The following SEMA4D variants were observed in gnomAD, a reference collection of about 807,000 sequenced individuals.
The protein encoded by SEMA4D is semaphorin 4D, also known as semaphorin-4D.
In SEMA4D, 22 loss-of-function variants were observed where a neutral mutation model predicts 74.8. The observed-to-expected ratio is 0.29, with a 90% CI of 0.21 to 0.42. The LOEUF (loss-of-function observed/expected upper bound fraction) is 0.42. Among genes scored for constraint, SEMA4D ranks in the 10% least tolerant of loss-of-function variants. The pLI is 1.00. For synonymous variants in SEMA4D, 445 were observed against 463.7 expected, an observed-to-expected ratio of 0.96 and a Z score of 0.52; for missense variants, 937 against 1,118.4, an observed-to-expected ratio of 0.84 and a Z score of 2.31.
intron 16 of SEMA4D, chr9:89,369,069 A>T (rs1238634656): frequency 6.6e-6 from 1 of 152,258 alleles, no homozygotes; most frequent in Non-Finnish European, 1.5e-5. Context: ...GAGCACAGGG[A>T]GTTGATAGCA....
chr9:89,437,457 A>T (rs1850701528), intron 2 of SEMA4D, among the ~76,000 whole-genome samples: 1 of 152,204 alleles, frequency 6.6e-6, no homozygotes, highest in Non-Finnish European at 1.5e-5. Context: ...CTGACACTGC[A>T]GGTGTGGCCT....
At chr9:89,447,205 C>A (rs1280508076) in intron 2 of SEMA4D, among the ~76,000 whole-genome samples, 1 of 152,082 alleles carries the variant, frequency 6.6e-6, no homozygotes, top group Non-Finnish European at 1.5e-5. Context: ...CATGTCTCTA[C>A]CTGACAGCAA....
chr9:89,363,025 C>T (rs1377975041), intron 18 of SEMA4D, among the ~76,000 whole-genome samples: 1 of 152,214 alleles, frequency 6.6e-6, no homozygotes, highest in Non-Finnish European at 1.5e-5. Context: ...ACAGGTGCCT[C>T]AGGTGAGGCA....
exon 19 of SEMA4D, chr9:89,362,334 T>A: frequency 6.2e-7 from 1 of 1,613,530 alleles, no homozygotes. Flanking sequence ...TCTCCGGGGG[T>A]GGCTGTGGTC....
intron 2 of SEMA4D, among the ~76,000 whole-genome samples, chr9:89,447,309 T>C (rs540786999): frequency 4.0e-4 from 60 of 151,898 alleles, no homozygotes; most frequent in Non-Finnish European, 7.2e-4. Context: ...CTCAGATGTT[T>C]CCTCAACTCC....
At chr9:89,383,486 C>T (rs1837671005) in intron 13 of SEMA4D, among the ~76,000 whole-genome samples, 1 of 152,174 alleles carries the variant, frequency 6.6e-6, no homozygotes, top group South Asian at 2.1e-4. Flanking sequence ...GACTACTCCT[C>T]TCCAGGAGTG....
chr9:89,402,247 G>C (rs1842368997), intron 4 of SEMA4D, among the ~76,000 whole-genome samples: 1 of 152,188 alleles, frequency 6.6e-6, no homozygotes, highest in South Asian at 2.1e-4. Flanking sequence ...TGGGACATGG[G>C]ATGGGCTGTG....
At chr9:89,487,655 T>C (rs1183502838) in intron 1 of SEMA4D, among the ~76,000 whole-genome samples, 1 of 152,120 alleles carries the variant, frequency 6.6e-6, no homozygotes, top group Admixed American at 6.5e-5. Flanking sequence ...GCTACTTAAA[T>C]AGCGACTTAG....
At chr9:89,365,934 T>C (rs1564483783) in intron 16 of SEMA4D, among the ~76,000 whole-genome samples, 1 of 152,214 alleles carries the variant, frequency 6.6e-6, no homozygotes, top group Non-Finnish European at 1.5e-5. Context: ...TCCGGTCTCT[T>C]GGTCAACAAT....
chr9:89,400,991 G>C (rs1463217850), intron 4 of SEMA4D, among the ~76,000 whole-genome samples: 5 of 152,230 alleles, frequency 3.3e-5, no homozygotes, highest in African/African-American at 7.2e-5. Context: ...CACGCGAAGA[G>C]TAAGAGCTGA....
rs145947862 is a variant in SEMA4D at position 89,364,372 on chromosome 9, A to G, written c.1883-422T>C. The G allele has an allele frequency of 3.4e-4, 97 of 283,660 alleles. 2 individuals are homozygous for G. In the Admixed American group the frequency reaches 4.1e-3, roughly 12 times the overall value. 17.6% of individuals were successfully genotyped at this position (283,660 alleles called of 1,614,324 possible). ...GCTCTGCCATCACCAGGGCCACAGC[A>G]TGGAGAGGCCCAGAGCTCGGCCAGC... On this transcript the variant is annotated intron_variant, in intron 16 of 18. Coordinates refer to the SEMA4D transcript ENST00000339861.
At chr9:89,449,865 G>C in intron 2 of SEMA4D, 2 of 1,500,916 alleles carry the variant, frequency 1.3e-6, no homozygotes, top group Non-Finnish European at 1.9e-6. Flanking sequence ...TCTCAAGGAA[G>C]GTGACTTGGT....
At chr9:89,369,438 C>T (rs781573433) in intron 16 of SEMA4D, 3 of 152,220 alleles carry the variant, frequency 2.0e-5, no homozygotes, top group African/African-American at 7.2e-5. Flanking sequence ...CGGGTCTAAA[C>T]TTGACATGGA....
In SEMA4D at chr9:89,381,435, A is replaced by G; in HGVS notation, c.1447-89T>C. 7.8e-7 allele frequency: 1 copy of G among 1,285,496 alleles called. No homozygotes were observed. The highest frequency in any genetic ancestry group is 1.0e-6 in the Non-Finnish European group (1 of 953,062). 79.6% of individuals were successfully genotyped at this position (1,285,496 alleles called of 1,614,324 possible). A position where few individuals can be genotyped will look rare whatever the true frequency, so the allele number is the denominator to read the frequency against. ...GCTTCTGCACCAGTGTGTGGGAAGC[A>G]GCCAGAGTGTACCTTCAGGGGACAT... On this transcript the variant is annotated intron_variant, in intron 13 of 15. Coordinates refer to ENST00000422704, the MANE Select transcript of SEMA4D (RefSeq NM_001371194.2). This position sits in a 1 kb window ranked among gnomAD's most constrained non-coding sequence, Gnocchi z 4.6.
chr9:89,393,450 T>C (rs1840277045), intron 7 of SEMA4D, 112 bp downstream of exon 7: 2 of 876,994 alleles, frequency 2.3e-6, no homozygotes, highest in Admixed American at 4.4e-5. Flanking sequence ...ATAGCTCCTA[T>C]TTAAACAAAG....
intron 4 of SEMA4D, among the ~76,000 whole-genome samples, chr9:89,402,183 TTTGA>T (rs1382285744): frequency 6.6e-6 from 1 of 152,076 alleles, no homozygotes; most frequent in Non-Finnish European, 1.5e-5. Context: ...TTAAATTCGG[TTTGA>T]TTTTTTAAAA....
intron 2 of SEMA4D, among the ~76,000 whole-genome samples, chr9:89,415,082 T>G (rs1389678325): frequency 6.6e-6 from 1 of 152,168 alleles, no homozygotes. Flanking sequence ...TGGGGACCCC[T>G]CTAAGCAGCA....
Position 89,467,812 on chromosome 9 carries a change from G to A in SEMA4D, c.-309-11859C>T, listed in dbSNP as rs562309827. Among the ~76,000 whole-genome samples the A allele has an allele frequency of 6.6e-5, 10 of 152,246 alleles. No homozygotes were observed. The South Asian group carries it at 1.9e-3, about 28-fold the overall frequency. ...CCCAAAGTGCTGGGATTACAGACGT[G>A]AGCCACTGCACCCAGCCTCATGATT... On this transcript the variant is annotated intron_variant, in intron 1 of 15. Transcript: ENST00000422704.
intron 2 of SEMA4D, among the ~76,000 whole-genome samples, chr9:89,428,915 CT>C (rs1429668697): frequency 6.6e-6 from 1 of 152,250 alleles, no homozygotes; most frequent in Non-Finnish European, 1.5e-5. Context: ...CTCAGGGCCC[CT>C]GGACCCTGCC....
Sources: gnomAD v4.1 joint callset for allele counts (sites outside exome capture counted in the v4.1 genomes callset) on GRCh38, gnomAD v4.1.1 for gene constraint, Gnocchi (gnomAD v3.1) non-coding constraint, MANE v1.5 for transcripts, NCBI Gene and HGNC (gene_info 2026-07-23, HGNC 2026-07-21) for gene names.